The following KDM7A variants were observed in gnomAD, a reference collection of about 807,000 sequenced individuals.
KDM7A encodes the protein lysine-specific demethylase 7A.
KDM7A carries 28 observed loss-of-function variants against 114.8 expected under a neutral mutation model. The observed-to-expected ratio is 0.24, with a 90% CI of 0.18 to 0.33. The LOEUF (loss-of-function observed/expected upper bound fraction) is 0.33. Ranked by LOEUF, KDM7A falls within the 10% of genes least tolerant of loss-of-function variation. The pLI is 1.00. For missense variants in KDM7A, 942 were observed against 1,142.5 expected, an observed-to-expected ratio of 0.82 and a Z score of 2.53; for synonymous variants, 423 against 397.8, an observed-to-expected ratio of 1.06 and a Z score of -0.75.
chr7:140,095,053 G>C (rs1450887106), intron 17 of KDM7A, among the ~76,000 whole-genome samples: 1 of 152,172 alleles, frequency 6.6e-6, no homozygotes, highest in African/African-American at 2.4e-5. Flanking sequence ...TCTCCATGTT[G>C]GTCAGGCTGG....
chr7:140,172,345 A>T (rs965472358), intron 1 of KDM7A, among the ~76,000 whole-genome samples: 2 of 152,336 alleles, frequency 1.3e-5, no homozygotes, highest in African/African-American at 4.8e-5. Flanking sequence ...TACCATCATT[A>T]GTAAACATAA....
At chr7:140,171,546 AATAT>A (rs1424236001) in intron 1 of KDM7A, among the ~76,000 whole-genome samples, 2 of 137,860 alleles carry the variant, frequency 1.5e-5, no homozygotes, top group Non-Finnish European at 3.1e-5. Flanking sequence ...TATATTTATA[AATAT>A]ATATTTATTT....
chr7:140,163,143 C>T (rs895807875), intron 1 of KDM7A, among the ~76,000 whole-genome samples: 2 of 151,682 alleles, frequency 1.3e-5, no homozygotes, highest in Non-Finnish European at 2.9e-5. Context: ...TACAGGTGCC[C>T]GCCATCATGC....
At chr7:140,133,910 C>T (rs572730661) in intron 2 of KDM7A, among the ~76,000 whole-genome samples, 49 of 152,248 alleles carry the variant, frequency 3.2e-4, no homozygotes, top group Admixed American at 1.2e-3. Context: ...TTCAAATCAG[C>T]AGATGGAGCC....
At chr7:140,094,537 T>C (rs533536423) in intron 17 of KDM7A, among the ~76,000 whole-genome samples, 2 of 152,040 alleles carry the variant, frequency 1.3e-5, no homozygotes, top group Admixed American at 6.6e-5. Flanking sequence ...CAAATTTATG[T>C]TGACATTGTA....
chr7:140,128,797 T>C (rs1247949380), intron 4 of KDM7A, among the ~76,000 whole-genome samples: 1 of 152,214 alleles, frequency 6.6e-6, no homozygotes, highest in Non-Finnish European at 1.5e-5. Context: ...TCTCAAATAT[T>C]CTCTATCTAC....
At chr7:140,100,099 C>G in intron 12 of KDM7A, 76 bp from the exon 13 acceptor site, 1 of 1,473,392 alleles carries the variant, frequency 6.8e-7, no homozygotes, top group Non-Finnish European at 9.4e-7. Context: ...TACAGTATAC[C>G]ACCACCTCCC....
chr7:140,167,728 T>C (rs528241210), intron 1 of KDM7A, among the ~76,000 whole-genome samples: 8 of 152,140 alleles, frequency 5.3e-5, no homozygotes, highest in Non-Finnish European at 1.2e-4. Context: ...GGATTGTTAA[T>C]TATGACTCAA....
intron 10 of KDM7A, 97 bp from the exon 11 acceptor site, chr7:140,111,281 G>T: frequency 1.4e-6 from 1 of 707,188 alleles, no homozygotes; most frequent in South Asian, 1.8e-5. Context: ...TCTCTAAACT[G>T]TTACAGACAT....
intron 9 of KDM7A, among the ~76,000 whole-genome samples, chr7:140,114,516 T>G (rs1347255157): frequency 6.6e-6 from 1 of 152,144 alleles, no homozygotes; most frequent in Non-Finnish European, 1.5e-5. Context: ...CTCGGCTCGC[T>G]ACAACCTCCA....
At chr7:140,130,446 C>T (rs1818766980) in intron 3 of KDM7A, among the ~76,000 whole-genome samples, 1 of 151,890 alleles carries the variant, frequency 6.6e-6, no homozygotes. Flanking sequence ...CATGGTGAAA[C>T]CTCGTCTCTA....
intron 1 of KDM7A, among the ~76,000 whole-genome samples, chr7:140,165,249 C>T (rs1794561365): frequency 6.6e-6 from 1 of 152,114 alleles, no homozygotes; most frequent in South Asian, 2.1e-4. Flanking sequence ...CTCATATTTG[C>T]TGATTTTCTT....
intron 1 of KDM7A, among the ~76,000 whole-genome samples, chr7:140,139,604 T>C (rs1042981829): frequency 5.9e-5 from 9 of 152,068 alleles, no homozygotes; most frequent in African/African-American, 2.2e-4. Context: ...TAGCTTTAAA[T>C]GCATCTGCTA....
At chr7:140,155,525 A>G (rs1385725098) in intron 1 of KDM7A, among the ~76,000 whole-genome samples, 2 of 152,226 alleles carry the variant, frequency 1.3e-5, no homozygotes, top group Admixed American at 6.5e-5. Flanking sequence ...TTTTGTCACC[A>G]GTGTATCAGA....
chr7:140,169,435 C>G (rs2116858940), intron 1 of KDM7A, among the ~76,000 whole-genome samples: 1 of 152,276 alleles, frequency 6.6e-6, no homozygotes, highest in East Asian at 1.9e-4. Flanking sequence ...AAGCATTCCT[C>G]CCCTTGGATG....
chr7:140,161,141 C>T (rs1260095116), intron 1 of KDM7A, among the ~76,000 whole-genome samples: 1 of 152,230 alleles, frequency 6.6e-6, no homozygotes, highest in African/African-American at 2.4e-5. Context: ...ATATAGTTTA[C>T]AACCCATGAT....
At position 140,088,303 on chromosome 7, in the gene KDM7A, G is replaced by A. The variant is rs1198374117; in HGVS notation, c.*2791C>T. ...GAAAAGCATAATATTATGTGACATT[G>A]TAAATTATAATCCAATGGATCCCAG... On this transcript the variant is annotated 3_prime_UTR_variant, in exon 20 of 20. Coordinates refer to ENST00000397560, the MANE Select transcript of KDM7A (RefSeq NM_030647.2). The A allele has an allele frequency of 2.6e-6, 1 of 385,746 alleles. No homozygotes were observed. Among genetic ancestry groups the A allele is most frequent in the African/African-American group, 2.1e-5 (1 of 48,236 alleles). The allele number at this position is 385,746 out of a possible 1,614,324, so 23.9% of individuals were successfully genotyped here.
At chr7:140,094,486 C>T (rs987402471) in intron 17 of KDM7A, among the ~76,000 whole-genome samples, 3 of 150,052 alleles carry the variant, frequency 2.0e-5, no homozygotes, top group African/African-American at 7.4e-5. Flanking sequence ...GCCTAGGCAA[C>T]AGAGTGAGAC....
At position 140,176,612 on chromosome 7, in the gene KDM7A, A is replaced by C; in HGVS notation, c.194+132T>G. On this transcript the variant is annotated intron_variant, in intron 1 of 19. Coordinates refer to ENST00000397560, the MANE Select transcript of KDM7A (RefSeq NM_030647.2). This position sits in a 1 kb window ranked among gnomAD's most constrained non-coding sequence, Gnocchi z 4.4. ...CGCCCCACTGCCCGGCCGGGGGGCT[A>C]GGCACCGGGGCCCCCTGAAAGCTGG... 1.8e-6 allele frequency: 1 copy of C among 558,378 alleles called. No individual in the cohort carries two copies. The highest frequency in any genetic ancestry group is 2.3e-6 in the Non-Finnish European group (1 of 442,102). The allele number at this position is 558,378 out of a possible 1,614,324, so 34.6% of individuals were successfully genotyped here.
Sources: allele counts gnomAD v4.1 joint callset (sites outside exome capture counted in the v4.1 genomes callset), GRCh38; gene constraint gnomAD v4.1.1; non-coding constraint Gnocchi (gnomAD v3.1); transcripts MANE v1.5; gene names NCBI Gene and HGNC (gene_info 2026-07-23, HGNC 2026-07-21).